The following MTREX variants were observed in gnomAD, a reference collection of about 807,000 sequenced individuals.
MTREX encodes the protein exosome RNA helicase MTR4.
A neutral mutation model predicts 135.4 loss-of-function variants in MTREX; 76 were observed. The observed-to-expected ratio is 0.56, with a 90% CI of 0.47 to 0.68. MTREX has a LOEUF of 0.68. MTREX is among the 30% of genes least tolerant of loss of function. The pLI is 0.00. For missense variants in MTREX, 920 were observed against 1,262.1 expected (o/e 0.73, Z 4.11); for synonymous variants, 404 against 401.6 (o/e 1.01, Z -0.07).
rs779732957 is a variant in MTREX, at chr5:55,351,295, G to A, written c.1431+266G>A. ...CACCTGTAATCCCAGCACTTTGGTA[G>A]GCTGAGGTAGGTGGATTACCTGAGG... On this transcript the variant is annotated intron_variant, in intron 13 of 26. Transcript: ENST00000230640. Among the ~76,000 whole-genome samples the A allele has an allele frequency of 8.6e-4, 131 of 152,250 alleles. No individual in the cohort carries two copies. Among genetic ancestry groups the A allele is most frequent in the Non-Finnish European group, 1.5e-3 (101 of 68,018 alleles).
At chr5:55,363,635 T>A (rs1315671603) in intron 15 of MTREX, among the ~76,000 whole-genome samples, 2 of 152,194 alleles carry the variant, frequency 1.3e-5, no homozygotes, top group Non-Finnish European at 2.9e-5. Flanking sequence ...CTTAAAGAGT[T>A]CTTATATTTT....
chr5:55,373,019 G>A (rs1423563439), intron 16 of MTREX, among the ~76,000 whole-genome samples: 2 of 149,746 alleles, frequency 1.3e-5, no homozygotes, highest in Non-Finnish European at 3.0e-5. Context: ...GGGCACTTTA[G>A]GCCTTAGAAA....
At chr5:55,374,643 T>C (rs1750264525) in intron 16 of MTREX, among the ~76,000 whole-genome samples, 1 of 152,114 alleles carries the variant, frequency 6.6e-6, no homozygotes, top group Non-Finnish European at 1.5e-5. Flanking sequence ...CAACTTTGTT[T>C]CCTTCTTTAC....
intron 21 of MTREX, among the ~76,000 whole-genome samples, chr5:55,404,424 A>G (rs184601984): frequency 8.5e-5 from 13 of 152,352 alleles, no homozygotes; most frequent in African/African-American, 2.9e-4. Context: ...TCTCTTTGCT[A>G]AAACCATTTC....
At chr5:55,381,815 G>T (rs1294929534) in intron 18 of MTREX, among the ~76,000 whole-genome samples, 1 of 152,116 alleles carries the variant, frequency 6.6e-6, no homozygotes, top group Non-Finnish European at 1.5e-5. Flanking sequence ...CATTCTGTCT[G>T]GTTGGTCTAT....
rs1579842867 is a variant in MTREX at position 55,313,830 on chromosome 5, T to G, written c.134+5683T>G. Among the ~76,000 whole-genome samples the G allele has an allele frequency of 1.3e-5, 2 of 152,250 alleles. 1 individual carries two copies. Among genetic ancestry groups the G allele is most frequent in the South Asian group, 4.1e-4 (2 of 4,836 alleles). ...CCTCCCCTTTAGTTTTTGCTTTGTCTCTTTTCTTTTTGAAAATATCAAATT... is the reference window on the plus strand; with the variant it reads ...CCTCCCCTTTAGTTTTTGCTTTGTCGCTTTTCTTTTTGAAAATATCAAATT... On this transcript the variant is annotated intron_variant, in intron 1 of 26. Coordinates refer to ENST00000230640, the MANE Select transcript of MTREX (RefSeq NM_015360.5).
intron 14 of MTREX, chr5:55,356,762 C>T (rs565847061): frequency 6.5e-6 from 1 of 153,166 alleles, no homozygotes; most frequent in African/African-American, 2.4e-5. Context: ...GCCAAAACCT[C>T]TGGGGCACGG....
intron 21 of MTREX, among the ~76,000 whole-genome samples, chr5:55,401,181 C>T (rs944442229): frequency 1.8e-4 from 28 of 152,040 alleles, no homozygotes; most frequent in African/African-American, 6.0e-4. Context: ...ATTACAGGCA[C>T]GCACCACCAT....
At chr5:55,422,545 G>C (rs1751070949) in intron 25 of MTREX, among the ~76,000 whole-genome samples, 1 of 152,130 alleles carries the variant, frequency 6.6e-6, no homozygotes, top group South Asian at 2.1e-4. Flanking sequence ...GCTGCTGCCT[G>C]AGAGATACTG....
At chr5:55,367,461 G>A (rs1402313088) in intron 16 of MTREX, among the ~76,000 whole-genome samples, 1 of 150,594 alleles carries the variant, frequency 6.6e-6, no homozygotes, top group Non-Finnish European at 1.5e-5. Flanking sequence ...ACTCCAGCGT[G>A]GTGACAAAGG....
intron 10 of MTREX, 135 bp from the exon 11 acceptor site, chr5:55,346,878 A>G: frequency 1.6e-6 from 1 of 629,862 alleles, no homozygotes; most frequent in Non-Finnish European, 2.6e-6. Context: ...CATATCTAAG[A>G]ATGCTTTGTC....
Position 55,425,428 on chromosome 5 carries a change from A to G in MTREX, c.*656A>G, listed in dbSNP as rs1751156122. ...CAGCATCCTAAGATAAATATAAACA[A>G]AAGGATATACTTTGAGGTGTACAGA... On this transcript the variant is annotated 3_prime_UTR_variant, in exon 27 of 27. Coordinates refer to ENST00000230640, the MANE Select transcript of MTREX (RefSeq NM_015360.5). The G allele has an allele frequency of 7.5e-6, 9 of 1,192,776 alleles. No homozygotes were observed. Among genetic ancestry groups the G allele is most frequent in the East Asian group, 4.9e-5 (2 of 40,848 alleles). The allele number at this position is 1,192,776 out of a possible 1,614,324, so 73.9% of individuals were successfully genotyped here.
chr5:55,380,237 G>A (rs1244799036), intron 18 of MTREX, among the ~76,000 whole-genome samples: 1 of 152,112 alleles, frequency 6.6e-6, no homozygotes, highest in Admixed American at 6.6e-5. Flanking sequence ...ACCACGCCCG[G>A]CCTGTTTCTT....
chr5:55,417,601 T>A (rs1750986126), intron 25 of MTREX, among the ~76,000 whole-genome samples: 1 of 152,204 alleles, frequency 6.6e-6, no homozygotes, highest in Admixed American at 6.5e-5. Flanking sequence ...TAATGGTGTT[T>A]AGCCGAGTCA....
At chr5:55,354,530 C>T (rs1270402827) in intron 14 of MTREX, among the ~76,000 whole-genome samples, 5 of 152,180 alleles carry the variant, frequency 3.3e-5, no homozygotes, top group African/African-American at 7.2e-5. Flanking sequence ...AAAGTACCCT[C>T]GCTGAAACTG....
At chr5:55,357,972 A>G (rs1749948446) in intron 14 of MTREX, among the ~76,000 whole-genome samples, 1 of 152,204 alleles carries the variant, frequency 6.6e-6, no homozygotes, top group African/African-American at 2.4e-5. Context: ...CTCATTTTGC[A>G]GATTCAGAAA....
intron 1 of MTREX, 73 bp downstream of exon 1, chr5:55,308,220 G>A (rs865830335): frequency 1.3e-6 from 2 of 1,490,202 alleles, no homozygotes; most frequent in Middle Eastern, 1.8e-4. Context: ...ACTCTCTTAG[G>A]AAGAGCACGA....
chr5:55,420,915 C>T (rs538483544), intron 25 of MTREX, among the ~76,000 whole-genome samples: 43 of 152,076 alleles, frequency 2.8e-4, no homozygotes, highest in Non-Finnish European at 5.3e-4. Flanking sequence ...TAAAAAAGGG[C>T]AGTAACTGAC....
At chr5:55,321,603 ATTT>A (rs570546421) in intron 1 of MTREX, among the ~76,000 whole-genome samples, 2 of 103,092 alleles carry the variant, frequency 1.9e-5, no homozygotes, top group Admixed American at 9.8e-5. Context: ...CCAAACATCT[ATTT>A]TTTTTTTTTT....
Sources: allele counts gnomAD v4.1 joint callset (sites outside exome capture counted in the v4.1 genomes callset), GRCh38; gene constraint gnomAD v4.1.1; transcripts MANE v1.5; gene names NCBI Gene and HGNC (gene_info 2026-07-23, HGNC 2026-07-21).